The following KDM1B variants were observed in gnomAD, a reference collection of about 807,000 sequenced individuals.
KDM1B encodes lysine demethylase 1B, also known as lysine-specific histone demethylase 2.
A neutral mutation model predicts 107.4 loss-of-function variants in KDM1B; 63 were observed. The ratio of observed to expected loss-of-function variants is 0.59; its 90% CI spans 0.48 to 0.72. The LOEUF (loss-of-function observed/expected upper bound fraction) is 0.72, where lower values mean the gene tolerates loss of function less well. Among genes scored for constraint, KDM1B ranks in the 30% least tolerant of loss-of-function variants. The pLI is 0.00. For synonymous variants in KDM1B, 363 were observed against 363.9 expected (o/e 1.00, Z 0.03); for missense variants, 749 against 1,020.8 (o/e 0.73, Z 3.63).
At chr6:18,178,044 T>C (rs1438984867) in intron 7 of KDM1B, among the ~76,000 whole-genome samples, 1 of 152,190 alleles carries the variant, frequency 6.6e-6, no homozygotes, top group African/African-American at 2.4e-5. Context: ...TCTAGATACT[T>C]AATTTTTTTT....
At chr6:18,216,469 G>T (rs1370998574) in intron 20 of KDM1B, among the ~76,000 whole-genome samples, 1 of 152,152 alleles carries the variant, frequency 6.6e-6, no homozygotes, top group African/African-American at 2.4e-5. Context: ...TTTTACATTA[G>T]TTGTTTGGAA....
Position 18,212,525 on chromosome 6 carries a change from G to T in KDM1B, c.1904G>T (p.Gly635Val). The change falls in exon 18 of 22, where the codon GGT becomes GTT. Residue 635 changes from glycine (G) to valine (V), a missense_variant. Coordinates refer to ENST00000650836, the MANE Select transcript of KDM1B (RefSeq NM_001364614.2). The surrounding 1 kb of genome is among the most constrained non-coding windows in gnomAD (Gnocchi z 5.2). ...GTACCACTGGCTTTACTACAGAAAG[G>T]TGCCATTCAGTTTAATCCACCGTTG... is the stretch of plus-strand genomic sequence containing the variant. Reference protein sequence around the residue: ...VTVPLALLQKGAIQFNPPLSE... With the variant: ...VTVPLALLQKVAIQFNPPLSE... 8.1e-6 allele frequency: 13 copies of T among 1,614,054 alleles called. No individual in the cohort carries two copies. The highest frequency in any genetic ancestry group is 1.1e-5 in the Non-Finnish European group (13 of 1,179,918).
chr6:18,169,272 C>T (rs1239948137), intron 6 of KDM1B, among the ~76,000 whole-genome samples: 2 of 144,580 alleles, frequency 1.4e-5, no homozygotes, highest in Non-Finnish European at 3.0e-5. Context: ...TCGCTCTTGT[C>T]ACCCAGGCTG....
chr6:18,215,591 C>T (rs975593022), intron 20 of KDM1B, among the ~76,000 whole-genome samples: 3 of 152,124 alleles, frequency 2.0e-5, no homozygotes, highest in East Asian at 3.9e-4. Context: ...GACCATGCGA[C>T]GAAATACAGT....
Position 18,186,551 on chromosome 6 carries a change from C to T in KDM1B, c.573+741C>T, listed in dbSNP as rs1238096094. Among the ~76,000 whole-genome samples, 1 of 152,098 alleles carries T rather than the reference C, an allele frequency of 6.6e-6. No homozygotes were observed. Among genetic ancestry groups the T allele is most frequent in the Non-Finnish European group, 1.5e-5 (1 of 68,026 alleles). Reference sequence around the variant, plus strand: ...ACTTTTAGCAAATCTACTTTAAATCCATTCTGTTATATAAAAGGGTGTTTG... The same window carrying T: ...ACTTTTAGCAAATCTACTTTAAATCTATTCTGTTATATAAAAGGGTGTTTG... On this transcript the variant is annotated intron_variant, in intron 8 of 21. Coordinates refer to ENST00000650836, the MANE Select transcript of KDM1B (RefSeq NM_001364614.2). The surrounding 1 kb of genome is among the most constrained non-coding windows in gnomAD (Gnocchi z 5.6).
chr6:18,181,243 C>G (rs1786453127), intron 7 of KDM1B, among the ~76,000 whole-genome samples: 1 of 152,014 alleles, frequency 6.6e-6, no homozygotes, highest in Non-Finnish European at 1.5e-5. Flanking sequence ...TATAGTGTAC[C>G]TCTGTGTGTA....
intron 6 of KDM1B, among the ~76,000 whole-genome samples, chr6:18,170,875 T>C (rs992983867): frequency 4.0e-5 from 6 of 151,336 alleles, no homozygotes; most frequent in Admixed American, 6.6e-5. Flanking sequence ...GGCTGGAGTG[T>C]AGTGGTGCGA....
intron 17 of KDM1B, among the ~76,000 whole-genome samples, chr6:18,210,836 C>G (rs967715813): frequency 1.3e-5 from 2 of 151,938 alleles, no homozygotes; most frequent in African/African-American, 2.4e-5. Flanking sequence ...CTGTCTCTAC[C>G]AAACATAAAA....
intron 20 of KDM1B, among the ~76,000 whole-genome samples, chr6:18,217,374 CCTT>C (rs1174573844): frequency 2.1e-5 from 3 of 142,584 alleles, no homozygotes; most frequent in Admixed American, 7.4e-5. Context: ...TGTCTATCTC[CCTT>C]CTTTTTTTTT....
intron 12 of KDM1B, among the ~76,000 whole-genome samples, chr6:18,198,071 ATTTT>A (rs1787770848): frequency 6.6e-6 from 1 of 151,318 alleles, no homozygotes; most frequent in Non-Finnish European, 1.5e-5. Flanking sequence ...GAATTTTTGT[ATTTT>A]TAGTAGAGTG....
chr6:18,219,702 C>T (rs183114788), intron 21 of KDM1B, among the ~76,000 whole-genome samples: 2 of 152,316 alleles, frequency 1.3e-5, no homozygotes, highest in African/African-American at 2.4e-5. Flanking sequence ...CGATCCATCA[C>T]CGTTGACTTA....
In KDM1B at chr6:18,213,248, C is replaced by T. The variant is rs1788982887; in HGVS notation, c.1984-408C>T. On this transcript the variant is annotated intron_variant, in intron 18 of 21. Transcript: ENST00000650836. The surrounding 1 kb of genome is among the most constrained non-coding windows in gnomAD (Gnocchi z 5.9). ...GGTCAGGAGTTCAAGACCAGCCTGACCAACATGGTGAAACCTCATCTCTAC... is the reference window on the plus strand; with the variant it reads ...GGTCAGGAGTTCAAGACCAGCCTGATCAACATGGTGAAACCTCATCTCTAC... Among the ~76,000 whole-genome samples, 1 of 152,052 alleles carries T rather than the reference C, an allele frequency of 6.6e-6. No homozygotes were observed. The highest frequency in any genetic ancestry group is 2.4e-5 in the African/African-American group (1 of 41,396).
intron 10 of KDM1B, among the ~76,000 whole-genome samples, chr6:18,195,732 T>TAAAAAAAA (rs1787601640): frequency 4.2e-5 from 2 of 47,786 alleles, no homozygotes; most frequent in African/African-American, 3.0e-4. Context: ...AAACTCCATA[T>TAAAAAAAA]CAAAAAAAAA....
chr6:18,168,089 A>G (rs1208120455), intron 6 of KDM1B, among the ~76,000 whole-genome samples: 1 of 152,196 alleles, frequency 6.6e-6, no homozygotes, highest in African/African-American at 2.4e-5. Flanking sequence ...TATTATAAGT[A>G]ATGCTGAGCT....
At chr6:18,202,611 T>C (rs958469035) in intron 14 of KDM1B, among the ~76,000 whole-genome samples, 1 of 152,206 alleles carries the variant, frequency 6.6e-6, no homozygotes, top group Non-Finnish European at 1.5e-5. Flanking sequence ...CTTGGAGGCA[T>C]GTTGGAGTTT....
intron 7 of KDM1B, among the ~76,000 whole-genome samples, chr6:18,176,260 G>A (rs558317706): frequency 3.9e-5 from 6 of 152,048 alleles, no homozygotes; most frequent in Admixed American, 2.0e-4. Context: ...CTGCTTGGTC[G>A]CTGTTGGTGT....
intron 6 of KDM1B, among the ~76,000 whole-genome samples, chr6:18,169,256 G>A (rs1436079934): frequency 7.1e-6 from 1 of 141,688 alleles, no homozygotes; most frequent in Non-Finnish European, 1.5e-5. Flanking sequence ...TTTTTGAGAT[G>A]GAGTTTCGCT....
At position 18,172,558 on chromosome 6, in the gene KDM1B, C is replaced by G. The variant is rs1785727205; in HGVS notation, c.534+1079C>G. On this transcript the variant is annotated intron_variant, in intron 7 of 21. Coordinates refer to ENST00000650836, the MANE Select transcript of KDM1B (RefSeq NM_001364614.2). The surrounding 1 kb of genome is among the most constrained non-coding windows in gnomAD (Gnocchi z 5.2). ...TTTAGATTTTCAGATTAGGGATGCC[C>G]AACCAGTAAGTATGTTGCAAACATT... 6.6e-6 allele frequency among the ~76,000 whole-genome samples: 1 copy of G among 152,032 alleles called. No individual in the cohort carries two copies. Among genetic ancestry groups the G allele is most frequent in the African/African-American group, 2.4e-5 (1 of 41,388 alleles).
intron 17 of KDM1B, among the ~76,000 whole-genome samples, chr6:18,208,530 G>C (rs1788545085): frequency 7.1e-6 from 1 of 141,648 alleles, no homozygotes; most frequent in African/African-American, 2.6e-5. Flanking sequence ...GTAAGTTTGG[G>C]AAGTATTGTA....
Sources: allele counts gnomAD v4.1 joint callset (sites outside exome capture counted in the v4.1 genomes callset), GRCh38; gene constraint gnomAD v4.1.1; non-coding constraint Gnocchi (gnomAD v3.1); transcripts MANE v1.5; gene names NCBI Gene and HGNC (gene_info 2026-07-23, HGNC 2026-07-21).